The following A2M variants were observed in gnomAD, a reference collection of about 807,000 sequenced individuals.
The protein encoded by A2M is alpha-2-macroglobulin.
Under a neutral mutation model 183.9 loss-of-function variants are expected in A2M, and 128 were observed. The ratio of observed to expected loss-of-function variants is 0.70; its 90% CI spans 0.60 to 0.81. The LOEUF is 0.81. Among genes scored for constraint, A2M ranks in the 30% least tolerant of loss-of-function variants. The pLI, the probability that A2M is intolerant of heterozygous loss-of-function variation, is 0.00. For synonymous variants in A2M, 592 were observed against 670.8 expected (o/e 0.88, Z 1.81); for missense variants, 1,495 against 1,787.6 (o/e 0.84, Z 2.95).
At chr12:9,109,252 T>C in intron 7 of A2M, 69 bp downstream of exon 7, 1 of 1,329,038 alleles carries the variant, frequency 7.5e-7, no homozygotes, top group South Asian at 1.3e-5. Flanking sequence ...AGAGAGTAGT[T>C]AAAATATCCC....
chr12:9,102,302 G>A (rs1179811006), intron 11 of A2M, among the ~76,000 whole-genome samples: 2 of 152,102 alleles, frequency 1.3e-5, no homozygotes, highest in African/African-American at 4.8e-5. Flanking sequence ...TGCAATCTCT[G>A]CCTCTGGGGC....
intron 13 of A2M, 55 bp downstream of exon 13, chr12:9,101,089 T>TA: frequency 6.7e-7 from 1 of 1,495,350 alleles, no homozygotes; most frequent in East Asian, 2.5e-5. Flanking sequence ...TTCCGTGGTG[T>TA]AAGGCTGAAT....
At chr12:9,073,604 A>T (rs1435930774) in intron 29 of A2M, among the ~76,000 whole-genome samples, 1 of 152,230 alleles carries the variant, frequency 6.6e-6, no homozygotes, top group Non-Finnish European at 1.5e-5. Flanking sequence ...ATAGGATGGA[A>T]TGCCATTTTG....
intron 15 of A2M, among the ~76,000 whole-genome samples, 153 bp from the exon 16 acceptor site, chr12:9,095,853 G>A (rs1290607878): frequency 7.2e-6 from 1 of 138,368 alleles, no homozygotes; most frequent in Non-Finnish European, 1.5e-5. Flanking sequence ...TCCGCTTCCC[G>A]GGTTCACGCC....
rs915961957 is a variant in A2M, at chr12:9,091,557, A to G, written c.2241-128T>C. 5.3e-5 allele frequency: 49 copies of G among 922,020 alleles called. No individual in the cohort carries two copies. The African/African-American group carries it at 7.9e-4, about 15-fold the overall frequency. The allele number at this position is 922,020 out of a possible 1,614,324, so 57.1% of individuals were successfully genotyped here. A position where few individuals can be genotyped will look rare whatever the true frequency, so the allele number is the denominator to read the frequency against. ...CTCAATAGAAATACCAATAATGGAG[A>G]GTATAATCAAGGATTGAGATGGGAA... On this transcript the variant is annotated intron_variant, in intron 18 of 35. Transcript: ENST00000318602.
chr12:9,087,656 G>C (rs1342307157), intron 22 of A2M, among the ~76,000 whole-genome samples: 1 of 152,026 alleles, frequency 6.6e-6, no homozygotes, highest in East Asian at 1.9e-4. Context: ...AATTTCAAAT[G>C]TTCCCACCAC....
Position 9,079,239 on chromosome 12 carries a change from C to G in A2M, c.3119+5G>C. Reference sequence around the variant, plus strand: ...AAGAAGCTCAAAAAATTGTTCTTTCCTTACCAGGTGTTGCCCTGGTTCCTG... The same window carrying G: ...AAGAAGCTCAAAAAATTGTTCTTTCGTTACCAGGTGTTGCCCTGGTTCCTG... On this transcript the variant is annotated splice_donor_5th_base_variant and intron_variant, in intron 25 of 35. Coordinates refer to ENST00000318602, the MANE Select transcript of A2M (RefSeq NM_000014.6). The G allele has an allele frequency of 1.2e-6, 2 of 1,612,326 alleles. No homozygotes were observed. Among genetic ancestry groups the G allele is most frequent in the Non-Finnish European group, 1.7e-6 (2 of 1,179,132 alleles).
At chr12:9,087,969 G>A (rs558922029) in intron 22 of A2M, among the ~76,000 whole-genome samples, 2 of 151,882 alleles carry the variant, frequency 1.3e-5, no homozygotes, top group Non-Finnish European at 2.9e-5. Context: ...AACCAATATA[G>A]GAAGACTAAA....
chr12:9,072,629 T>C (rs750135956), intron 30 of A2M, 24 bp downstream of exon 30: 17 of 1,612,300 alleles, frequency 1.1e-5, no homozygotes, highest in Non-Finnish European at 1.4e-5. Flanking sequence ...ATCTGTCCTG[T>C]CCTCACCTGC....
At chr12:9,094,340 CATATATATATATATATATATATAT>C (rs59647548) in intron 17 of A2M, among the ~76,000 whole-genome samples, 50 of 97,030 alleles carry the variant, frequency 5.2e-4, no homozygotes, top group Middle Eastern at 0.012. Flanking sequence ...AAAAATTGTG[CATATATATATATATATATATATAT>C]ATATATATAT....
chr12:9,067,799 A>G lies in A2M; in HGVS notation c.*24T>C, dbSNP rs200057264. 78 of 1,612,076 alleles carry G rather than the reference A, an allele frequency of 4.8e-5. No individual in the cohort carries two copies. In the East Asian group the frequency reaches 1.2e-3, roughly 24 times the overall value. ...GAGCTCTGAGAACAGGACTCCAGCAAAGCACTTTTCAGCCTTGTGGTCTTC... is the reference window on the plus strand; with the variant it reads ...GAGCTCTGAGAACAGGACTCCAGCAGAGCACTTTTCAGCCTTGTGGTCTTC... On this transcript the variant is annotated 3_prime_UTR_variant, in exon 36 of 36. Transcript: ENST00000318602.
intron 32 of A2M, 118 bp downstream of exon 32, chr12:9,070,370 A>T: frequency 1.4e-6 from 1 of 712,648 alleles, no homozygotes; most frequent in Non-Finnish European, 2.4e-6. Context: ...AGCTGGAAAA[A>T]GGATAAGGCT....
intron 22 of A2M, among the ~76,000 whole-genome samples, chr12:9,087,966 A>C (rs1291805266): frequency 2.6e-5 from 4 of 152,158 alleles, no homozygotes; most frequent in Non-Finnish European, 4.4e-5. Flanking sequence ...AAAAACCAAT[A>C]TAGGAAGACT....
At chr12:9,095,211 G>T (rs1949337379) in intron 16 of A2M, 127 bp from the exon 17 acceptor site, 1 of 539,460 alleles carries the variant, frequency 1.9e-6, no homozygotes, top group Non-Finnish European at 3.2e-6. Context: ...ATTCACATCT[G>T]TAGAAGGGAT....
chr12:9,084,790 C>G (rs948520203), intron 22 of A2M, among the ~76,000 whole-genome samples: 11 of 151,950 alleles, frequency 7.2e-5, no homozygotes, highest in Admixed American at 3.9e-4. Context: ...AGAGACTCAC[C>G]TAATTTTTAA....
intron 18 of A2M, 127 bp from the exon 19 acceptor site, chr12:9,091,556 G>T: frequency 2.1e-6 from 2 of 946,146 alleles, no homozygotes; most frequent in Non-Finnish European, 3.1e-6. Context: ...CAATAATGGA[G>T]AGTATAATCA....
chr12:9,091,005 T>G (rs1949193778), intron 19 of A2M, among the ~76,000 whole-genome samples, 196 bp downstream of exon 19: 1 of 152,170 alleles, frequency 6.6e-6, no homozygotes, highest in Non-Finnish European at 1.5e-5. Flanking sequence ...AAATACTAAC[T>G]TTGAAGGGTT....
chr12:9,101,645 G>A lies in A2M; in HGVS notation c.1296C>T (p.Tyr432=), dbSNP rs2228222. 0.053 allele frequency: 85,980 copies of A among 1,613,432 alleles called. 2,730 individuals carry two copies. Among genetic ancestry groups the A allele is most frequent in the South Asian group, 0.08 (7,267 of 91,020 alleles). The part of the protein sequence containing the change: ...RVNYKDRSPC[Y]GYQWVSEEHE... ...GTTCTTCTGACACCCACTGGTAGCC[G>A]TAACAGGGACTACGATCCTTGTAAT... is the stretch of plus-strand genomic sequence containing the variant. Residue 432 remains tyrosine, a synonymous_variant, in exon 12 of 36, where the codon TAC becomes TAT. Coordinates refer to ENST00000318602, the MANE Select transcript of A2M (RefSeq NM_000014.6).
At chr12:9,073,162 G>A (rs1948633008) in intron 29 of A2M, among the ~76,000 whole-genome samples, 2 of 152,156 alleles carry the variant, frequency 1.3e-5, no homozygotes, top group Non-Finnish European at 2.9e-5. Context: ...ACATGTGAAT[G>A]GCAATCAGTT....
Sources: gnomAD v4.1 joint callset for allele counts (sites outside exome capture counted in the v4.1 genomes callset) on GRCh38, gnomAD v4.1.1 for gene constraint, MANE v1.5 for transcripts, NCBI Gene and HGNC (gene_info 2026-07-23, HGNC 2026-07-21) for gene names.